SOCS5: variants seen among roughly 807,000 people sequenced by gnomAD.
SOCS5 encodes the protein CIS-6.
SOCS5 carries 32 observed loss-of-function variants against 42.8 expected under a neutral mutation model. The observed-to-expected ratio is 0.75, with a 90% CI of 0.56 to 1.01. SOCS5 has a LOEUF of 1.01. Among genes scored for constraint, SOCS5 ranks in the 50% least tolerant of loss-of-function variants. The pLI is 0.00. For missense variants in SOCS5, 627 were observed against 653.0 expected (o/e 0.96, Z 0.43); for synonymous variants, 283 against 229.6 (o/e 1.23, Z -2.10).
At chr2:46,733,931 C>T (rs1304859928) in intron 1 of SOCS5, among the ~76,000 whole-genome samples, 1 of 152,082 alleles carries the variant, frequency 6.6e-6, no homozygotes, top group Non-Finnish European at 1.5e-5. Context: ...ATAAACTGTC[C>T]CACACTCCAT....
Position 46,760,146 on chromosome 2 carries a change from T to A in SOCS5, c.*5T>A, listed in dbSNP as rs371033916. 14 of 1,606,852 alleles carry A rather than the reference T, an allele frequency of 8.7e-6. No homozygotes were observed. The African/African-American group carries it at 1.6e-4, about 18-fold the overall frequency. On this transcript the variant is annotated 3_prime_UTR_variant, in exon 2 of 2. Transcript: ENST00000394861. ...GAACCAGTCAAGGCAAAGTAAACTC[T>A]CCGGTCCCCAAAGGTTGTTAACTAG... is the stretch of plus-strand genomic sequence containing the variant.
chr2:46,742,791 G>A (rs1242038024), intron 1 of SOCS5, among the ~76,000 whole-genome samples: 4 of 151,898 alleles, frequency 2.6e-5, no homozygotes, highest in African/African-American at 4.8e-5. Context: ...TCAGCCTCCC[G>A]AGTAGCTCAC....
chr2:46,701,866 T>G (rs1672352904), intron 1 of SOCS5, among the ~76,000 whole-genome samples: 1 of 137,530 alleles, frequency 7.3e-6, no homozygotes, highest in Non-Finnish European at 1.6e-5. Flanking sequence ...GGCTTCTATA[T>G]TTTGAAAGTA....
At chr2:46,737,567 G>T (rs927429924) in intron 1 of SOCS5, among the ~76,000 whole-genome samples, 2 of 151,984 alleles carry the variant, frequency 1.3e-5, no homozygotes, top group African/African-American at 4.8e-5. Context: ...TCTGATTTGG[G>T]GTCTGTATTC....
At chr2:46,711,806 C>T (rs1208093692) in intron 1 of SOCS5, among the ~76,000 whole-genome samples, 3 of 152,052 alleles carry the variant, frequency 2.0e-5, no homozygotes, top group Non-Finnish European at 4.4e-5. Context: ...AGATTTTTGC[C>T]CCCATATAGA....
chr2:46,743,177 G>A (rs1046857562), intron 1 of SOCS5, among the ~76,000 whole-genome samples: 1 of 152,034 alleles, frequency 6.6e-6, no homozygotes, highest in Non-Finnish European at 1.5e-5. Context: ...ACATGTTACA[G>A]GAAAGGGGTC....
chr2:46,715,745 G>C (rs1487002061), intron 1 of SOCS5, among the ~76,000 whole-genome samples: 1 of 152,134 alleles, frequency 6.6e-6, no homozygotes, highest in Non-Finnish European at 1.5e-5. Context: ...TTGTATCACT[G>C]ATTGACAGCA....
chr2:46,713,609 C>G (rs570884973), intron 1 of SOCS5, among the ~76,000 whole-genome samples: 8 of 151,760 alleles, frequency 5.3e-5, no homozygotes, highest in Non-Finnish European at 1.2e-4. Context: ...TTCAAAGAAC[C>G]AACTTTTGAC....
At chr2:46,745,876 G>A (rs978716635) in intron 1 of SOCS5, among the ~76,000 whole-genome samples, 2 of 152,084 alleles carry the variant, frequency 1.3e-5, no homozygotes, top group African/African-American at 4.8e-5. Context: ...TAAAGAAAGG[G>A]TCTCTGTATA....
chr2:46,742,696 C>T (rs1572843300), intron 1 of SOCS5, among the ~76,000 whole-genome samples: 1 of 151,902 alleles, frequency 6.6e-6, no homozygotes, highest in East Asian at 1.9e-4. Context: ...GACAGAGTCT[C>T]GCTCTGTCAC....
chr2:46,714,150 G>A (rs1370294096), intron 1 of SOCS5, among the ~76,000 whole-genome samples: 1 of 152,126 alleles, frequency 6.6e-6, no homozygotes, highest in Non-Finnish European at 1.5e-5. Flanking sequence ...TTCTATAGAT[G>A]CCAATTAGGT....
In SOCS5 at chr2:46,700,974, C is replaced by T. The variant is rs41318748; in HGVS notation, c.-13+1525C>T. 9.1e-3 allele frequency among the ~76,000 whole-genome samples: 1,383 copies of T among 152,166 alleles called. 19 individuals are homozygous for T. Among genetic ancestry groups the T allele is most frequent in the African/African-American group, 0.031 (1,307 of 41,498 alleles). On this transcript the variant is annotated intron_variant, in intron 1 of 1. Transcript: ENST00000394861. ...TATATCATATTTTGGCCCTTTTATC[C>T]ATCAGAGAAAACATTTCTGCAAAAA...
chr2:46,709,986 C>A (rs1572829677), intron 1 of SOCS5, among the ~76,000 whole-genome samples: 1 of 152,058 alleles, frequency 6.6e-6, no homozygotes. Context: ...AGTCTCCACC[C>A]CCCATGCTTG....
intron 1 of SOCS5, among the ~76,000 whole-genome samples, chr2:46,738,139 A>C (rs1439671416): frequency 1.3e-5 from 2 of 152,320 alleles, no homozygotes; most frequent in African/African-American, 4.8e-5. Context: ...AGGAGAAATT[A>C]GTTTGGATAA....
At chr2:46,740,862 T>C (rs1236686263) in intron 1 of SOCS5, among the ~76,000 whole-genome samples, 1 of 152,138 alleles carries the variant, frequency 6.6e-6, no homozygotes, top group Non-Finnish European at 1.5e-5. Context: ...CCTGTTTTCC[T>C]TATCAAATCC....
At chr2:46,708,406 A>G (rs1188325542) in intron 1 of SOCS5, among the ~76,000 whole-genome samples, 1 of 152,208 alleles carries the variant, frequency 6.6e-6, no homozygotes, top group African/African-American at 2.4e-5. Context: ...TAGGTAAGTA[A>G]TGATACCACA....
At position 46,758,582 on chromosome 2, in the gene SOCS5, C is replaced by A; in HGVS notation, c.52C>A (p.Leu18Ile). 6.2e-7 allele frequency: 1 copy of A among 1,611,506 alleles called. No individual in the cohort carries two copies. ...TAACTTCAAATACAGGTGTCAGAAT[C>A]TCTTCGGTCATGAGGGAGGAAGCCG... ...WNNFKYRCQN[L>I]FGHEGGSRSE... Residue 18 changes from leucine (L) to isoleucine (I), a missense_variant, in exon 2 of 2, where the codon CTC becomes ATC. By Grantham distance (5) the Leu-to-Ile change is conservative. Around this residue, in one of 3 missense-constraint regions of SOCS5, gnomAD observed 278 missense variants for 246.3 expected, o/e 1.13. Coordinates refer to ENST00000394861, the MANE Select transcript of SOCS5 (RefSeq NM_144949.3).
chr2:46,757,342 CT>C (rs1161042330), intron 1 of SOCS5, among the ~76,000 whole-genome samples: 1 of 152,130 alleles, frequency 6.6e-6, no homozygotes, highest in African/African-American at 2.4e-5. Flanking sequence ...CTAATGTTGA[CT>C]TTTAGCTACT....
chr2:46,751,106 A>G (rs1309684926), intron 1 of SOCS5, among the ~76,000 whole-genome samples: 1 of 152,114 alleles, frequency 6.6e-6, no homozygotes, highest in Non-Finnish European at 1.5e-5. Flanking sequence ...AATCTCTCAG[A>G]TATATCGGTT....
Sources: gnomAD v4.1 joint callset for allele counts (sites outside exome capture counted in the v4.1 genomes callset) on GRCh38, gnomAD v4.1.1 for gene constraint, gnomAD v4.1.1 regional missense constraint, MANE v1.5 for transcripts, NCBI Gene and HGNC (gene_info 2026-07-23, HGNC 2026-07-21) for gene names.